Variants in MACROD2 observed in about 807,000 individuals in gnomAD.
MACROD2 encodes mono-ADP ribosylhydrolase 2.
Under a neutral mutation model 70.4 loss-of-function variants are expected in MACROD2, and 36 were observed. That is an observed-to-expected ratio of 0.51 (90% CI 0.39 to 0.68). The LOEUF is 0.68. Among genes scored for constraint, MACROD2 ranks in the 30% least tolerant of loss-of-function variants. The pLI, the probability that MACROD2 is intolerant of heterozygous loss-of-function variation, is 0.00. For synonymous variants in MACROD2, 172 were observed against 178.8 expected (o/e 0.96, Z 0.30); for missense variants, 496 against 538.4 (o/e 0.92, Z 0.78).
chr20:14,853,008 G>A (rs1278342320), intron 5 of MACROD2, among the ~76,000 whole-genome samples: 1 of 152,094 alleles, frequency 6.6e-6, no homozygotes, highest in African/African-American at 2.4e-5. Context: ...ATGTTGCCGT[G>A]TAGGAATGGG....
At chr20:14,272,977 C>T (rs1160759228) in intron 3 of MACROD2, among the ~76,000 whole-genome samples, 2 of 151,610 alleles carry the variant, frequency 1.3e-5, no homozygotes, top group Non-Finnish European at 2.9e-5. Context: ...AATACAGGAG[C>T]ACCCAGATTC....
chr20:14,978,454 C>CATT (rs2074763095), intron 5 of MACROD2, among the ~76,000 whole-genome samples: 1 of 146,582 alleles, frequency 6.8e-6, no homozygotes, highest in African/African-American at 2.5e-5. Context: ...AGTTACAAAC[C>CATT]ATTACTTCTA....
chr20:15,132,236 T>C (rs1392267984), intron 5 of MACROD2, among the ~76,000 whole-genome samples: 2 of 151,954 alleles, frequency 1.3e-5, no homozygotes, highest in Non-Finnish European at 2.9e-5. Flanking sequence ...AGTTTTCAGC[T>C]GCAGGAAATG....
chr20:15,255,666 A>G (rs183051478), intron 6 of MACROD2, among the ~76,000 whole-genome samples: 67 of 152,262 alleles, frequency 4.4e-4, no homozygotes, highest in Non-Finnish European at 8.5e-4. Flanking sequence ...AGTAATAAGC[A>G]AGCTCTTTCA....
chr20:15,447,474 A>G (rs2046584460), intron 7 of MACROD2, among the ~76,000 whole-genome samples: 1 of 152,184 alleles, frequency 6.6e-6, no homozygotes, highest in South Asian at 2.1e-4. Context: ...TAGAGCTGCT[A>G]AAAGCAACTA....
At chr20:15,001,196 C>T (rs2074992604) in intron 5 of MACROD2, among the ~76,000 whole-genome samples, 1 of 152,114 alleles carries the variant, frequency 6.6e-6, no homozygotes, top group Non-Finnish European at 1.5e-5. Context: ...CCAGAACCCT[C>T]CTAGTACTGC....
At chr20:15,906,555 C>G (rs948599227) in intron 10 of MACROD2, among the ~76,000 whole-genome samples, 1 of 151,938 alleles carries the variant, frequency 6.6e-6, no homozygotes, top group Non-Finnish European at 1.5e-5. Context: ...ATTTTCAGAT[C>G]TCATTTAAGT....
At chr20:14,005,991 C>T (rs1424181410) in intron 2 of MACROD2, among the ~76,000 whole-genome samples, 1 of 152,128 alleles carries the variant, frequency 6.6e-6, no homozygotes, top group Non-Finnish European at 1.5e-5. Flanking sequence ...TCATTGACAT[C>T]CTGCATATAT....
intron 5 of MACROD2, chr20:15,196,888 C>T (rs2076610523): frequency 1.0e-6 from 1 of 985,340 alleles, no homozygotes; most frequent in Non-Finnish European, 1.2e-6. Flanking sequence ...AGGCTCAGGC[C>T]TTACCAGGGA....
chr20:15,810,021 CA>C (rs2063804721), intron 8 of MACROD2, among the ~76,000 whole-genome samples: 1 of 133,662 alleles, frequency 7.5e-6, no homozygotes, highest in Non-Finnish European at 1.6e-5. Context: ...CCCCTCCCCC[CA>C]CCCCACAACA....
At chr20:15,361,830 A>G (rs1568749025) in intron 6 of MACROD2, among the ~76,000 whole-genome samples, 1 of 152,110 alleles carries the variant, frequency 6.6e-6, no homozygotes, top group South Asian at 2.1e-4. Context: ...AAATGAGATT[A>G]TATTTCAACT....
At chr20:14,477,967 G>T (rs2084617471) in intron 3 of MACROD2, among the ~76,000 whole-genome samples, 1 of 152,110 alleles carries the variant, frequency 6.6e-6, no homozygotes, top group African/African-American at 2.4e-5. Context: ...TCCCGATTAG[G>T]CCTTGCTTTT....
intron 3 of MACROD2, among the ~76,000 whole-genome samples, chr20:14,145,167 G>A (rs1031826203): frequency 2.0e-5 from 3 of 152,090 alleles, no homozygotes; most frequent in Non-Finnish European, 2.9e-5. Context: ...GTCCCTCTGC[G>A]CTAGGCTTAA....
At chr20:14,593,059 G>A (rs1405793708) in intron 4 of MACROD2, among the ~76,000 whole-genome samples, 1 of 152,114 alleles carries the variant, frequency 6.6e-6, no homozygotes, top group Non-Finnish European at 1.5e-5. Flanking sequence ...TATAAATCAG[G>A]TAAAATGTAG....
At chr20:14,739,051 T>C (rs2071702169) in intron 5 of MACROD2, among the ~76,000 whole-genome samples, 2 of 152,136 alleles carry the variant, frequency 1.3e-5, no homozygotes, top group Admixed American at 1.3e-4. Flanking sequence ...AGAGGAATGA[T>C]GAAGTAAGGT....
intron 3 of MACROD2, among the ~76,000 whole-genome samples, chr20:14,407,788 T>G (rs1183962638): frequency 6.6e-6 from 1 of 152,208 alleles, no homozygotes; most frequent in Non-Finnish European, 1.5e-5. Flanking sequence ...TTTATGAGCT[T>G]CTTCACTTAG....
intron 5 of MACROD2, among the ~76,000 whole-genome samples, chr20:15,177,157 C>T (rs965346174): frequency 1.3e-5 from 2 of 152,194 alleles, no homozygotes; most frequent in Non-Finnish European, 2.9e-5. Flanking sequence ...AGGACAGTAG[C>T]GTGAGCTGAG....
At chr20:15,404,539 G>A (rs150891744) in intron 6 of MACROD2, among the ~76,000 whole-genome samples, 91 of 152,218 alleles carry the variant, frequency 6.0e-4, no homozygotes, top group South Asian at 3.1e-3. Flanking sequence ...GCAACCTCTG[G>A]GCCAAGAGGT....
intron 8 of MACROD2, among the ~76,000 whole-genome samples, chr20:15,649,105 C>CCCCTT (rs2049601052): frequency 1.9e-5 from 2 of 105,862 alleles, no homozygotes; most frequent in African/African-American, 7.1e-5. Flanking sequence ...CCCCTCCCCT[C>CCCCTT]CCCTTCCCTC....
Sources: allele counts gnomAD v4.1 joint callset (sites outside exome capture counted in the v4.1 genomes callset), GRCh38; gene constraint gnomAD v4.1.1; transcripts MANE v1.5; gene names NCBI Gene and HGNC (gene_info 2026-07-23, HGNC 2026-07-21).